The following PWWP2A variants were observed in gnomAD, a reference collection of about 807,000 sequenced individuals.
PWWP2A encodes PWWP domain-containing protein 2A.
Under a neutral mutation model 48.5 loss-of-function variants are expected in PWWP2A, and 18 were observed. The ratio of observed to expected loss-of-function variants is 0.37; its 90% CI spans 0.26 to 0.55. The LOEUF is 0.55. Ranked by LOEUF, PWWP2A falls within the 20% of genes least tolerant of loss-of-function variation. The pLI, the probability that PWWP2A is intolerant of heterozygous loss-of-function variation, is 0.81. For missense variants in PWWP2A, 867 were observed against 976.4 expected (o/e 0.89, Z 1.49); for synonymous variants, 396 against 387.7 (o/e 1.02, Z -0.25).
chr5:160,081,045 ATTCTGCCCTCCAAGC>A (rs1170552194), intron 2 of PWWP2A, among the ~76,000 whole-genome samples: 1 of 152,110 alleles, frequency 6.6e-6, no homozygotes, highest in Non-Finnish European at 1.5e-5. Flanking sequence ...GCACACCAAG[ATTCTGCCCTCCAAGC>A]AAACTAACAA....
rs1755085179 is a variant in PWWP2A at position 160,091,749 on chromosome 5, G to C, written c.*633C>G. On this transcript the variant is annotated 3_prime_UTR_variant, in exon 2 of 2. Coordinates refer to ENST00000307063, the MANE Select transcript of PWWP2A (RefSeq NM_001130864.2). ...TGACAGTTTTAATCCCAAACACTGG[G>C]CTATTTCCCCAGTCTGTAACTGAAT... 1.0e-6 allele frequency: 1 copy of C among 984,932 alleles called. No homozygotes were observed. Among genetic ancestry groups the C allele is most frequent in the Non-Finnish European group, 1.2e-6 (1 of 829,752 alleles). The allele number at this position is 984,932 out of a possible 1,614,324, so 61.0% of individuals were successfully genotyped here.
chr5:160,109,334 G>A (rs1254570304), intron 1 of PWWP2A, among the ~76,000 whole-genome samples: 2 of 148,154 alleles, frequency 1.3e-5, no homozygotes, highest in Admixed American at 1.4e-4. Context: ...CTTATTTCCT[G>A]TCACATCCCC....
chr5:160,098,696 C>A (rs896437855), intron 1 of PWWP2A, among the ~76,000 whole-genome samples: 1 of 152,126 alleles, frequency 6.6e-6, no homozygotes, highest in African/African-American at 2.4e-5. Flanking sequence ...GAACCACTAA[C>A]CTATGAAACT....
chr5:160,066,329 C>G (rs1753609723), intron 4 of PWWP2A, among the ~76,000 whole-genome samples: 1 of 59,150 alleles, frequency 1.7e-5, no homozygotes, highest in South Asian at 5.4e-4. Flanking sequence ...GGGGGTCTCG[C>G]TCTGTCACCC....
Position 160,092,029 on chromosome 5 carries a change from C to G in PWWP2A, c.*353G>C. On this transcript the variant is annotated 3_prime_UTR_variant, in exon 2 of 2. Coordinates refer to ENST00000307063, the MANE Select transcript of PWWP2A (RefSeq NM_001130864.2). ...ACATACACGGATATATATATATACA[C>G]ACACACACACGTATATATATGTATA... The G allele has an allele frequency of 3.3e-6, 1 of 301,742 alleles. No homozygotes were observed. The highest frequency in any genetic ancestry group is 4.5e-6 in the Non-Finnish European group (1 of 223,114). The allele number at this position is 301,742 out of a possible 1,614,324, so 18.7% of individuals were successfully genotyped here. A position where few individuals can be genotyped will look rare whatever the true frequency, so the allele number is the denominator to read the frequency against.
intron 2 of PWWP2A, among the ~76,000 whole-genome samples, chr5:160,067,109 GAGA>G (rs1163147251): frequency 2.0e-5 from 3 of 152,118 alleles, no homozygotes; most frequent in Non-Finnish European, 4.4e-5. Flanking sequence ...ACATTTTAGT[GAGA>G]AGAATGACAT....
At position 160,092,096 on chromosome 5, in the gene PWWP2A, A is replaced by G. The variant is rs575914419; in HGVS notation, c.*286T>C. The G allele has an allele frequency of 9.0e-7, 1 of 1,111,042 alleles. No homozygotes were observed. The highest frequency in any genetic ancestry group is 5.4e-5 in the East Asian group (1 of 18,362). The allele number at this position is 1,111,042 out of a possible 1,614,324, so 68.8% of individuals were successfully genotyped here. A position where few individuals can be genotyped will look rare whatever the true frequency, so the allele number is the denominator to read the frequency against. ...CAAATGGCAATTAACAGTCCCTACAAAAATTCAATTTCAGTTGAGGCTATG... is the reference window on the plus strand; with the variant it reads ...CAAATGGCAATTAACAGTCCCTACAGAAATTCAATTTCAGTTGAGGCTATG... On this transcript the variant is annotated 3_prime_UTR_variant, in exon 2 of 2. Transcript: ENST00000307063.
chr5:160,114,026 G>A (rs1342884640), intron 1 of PWWP2A, among the ~76,000 whole-genome samples: 1 of 152,186 alleles, frequency 6.6e-6, no homozygotes, highest in East Asian at 1.9e-4. Context: ...ACTAAAGCAT[G>A]AGGTACAATG....
In PWWP2A at chr5:160,099,296, T is replaced by C. The variant is rs555069322; in HGVS notation, c.585-5231A>G. Among the ~76,000 whole-genome samples the C allele has an allele frequency of 5.3e-5, 8 of 152,252 alleles. No individual in the cohort carries two copies. The East Asian group carries it at 1.2e-3, about 22-fold the overall frequency. On this transcript the variant is annotated intron_variant, in intron 1 of 1. Transcript: ENST00000307063. Reference sequence around the variant, plus strand: ...TGAGTAATAAGATACCCTACCCAATTTGTGCAGCATAAAGGCATGTGTTAA... The same window carrying C: ...TGAGTAATAAGATACCCTACCCAATCTGTGCAGCATAAAGGCATGTGTTAA...
chr5:160,068,271 G>A (rs1353060375), intron 2 of PWWP2A, among the ~76,000 whole-genome samples: 1 of 152,150 alleles, frequency 6.6e-6, no homozygotes, highest in African/African-American at 2.4e-5. Flanking sequence ...CTGTGACGTT[G>A]TACATATTCT....
the PWWP2A span, among the ~76,000 whole-genome samples, chr5:160,056,753 T>C: frequency 4.6e-5 from 7 of 152,106 alleles, no homozygotes; most frequent in Non-Finnish European, 1.0e-4. Flanking sequence ...TATCATCTTG[T>C]ATGAGTGCCA....
At position 160,109,511 on chromosome 5, in the gene PWWP2A, C is replaced by T. The variant is rs182169782; in HGVS notation, c.584+9294G>A. ...CAGAAGCCTGGGCTGAAGGCTTTTGCTCTTTGCAAATAGTCTTGAGTGGTT... is the reference window on the plus strand; with the variant it reads ...CAGAAGCCTGGGCTGAAGGCTTTTGTTCTTTGCAAATAGTCTTGAGTGGTT... On this transcript the variant is annotated intron_variant, in intron 1 of 1. Transcript: ENST00000307063. Among the ~76,000 whole-genome samples, 347 of 151,968 alleles carry T rather than the reference C, an allele frequency of 2.3e-3. 1 individual carries two copies. Among genetic ancestry groups the T allele is most frequent in the African/African-American group, 7.8e-3 (325 of 41,426 alleles).
chr5:160,080,031 A>G (rs1317962595), intron 3 of PWWP2A, among the ~76,000 whole-genome samples: 1 of 152,242 alleles, frequency 6.6e-6, no homozygotes, highest in Non-Finnish European at 1.5e-5. Flanking sequence ...TTCCTACCCT[A>G]TAAGGGCCCA....
rs1758061055 is a variant in PWWP2A at position 160,115,709 on chromosome 5, A to C, written c.584+3096T>G. 2.0e-5 allele frequency among the ~76,000 whole-genome samples: 3 copies of C among 151,564 alleles called. No individual in the cohort carries two copies. The South Asian group carries it at 6.3e-4, about 32-fold the overall frequency. The stretch of plus-strand genomic sequence containing the variant: ...CTCCATCTCAAAAAAAGGAAAAAAA[A>C]AAAAATTAGCCAGGCGTGGTGGTAT... On this transcript the variant is annotated intron_variant, in intron 1 of 1. Coordinates refer to ENST00000307063, the MANE Select transcript of PWWP2A (RefSeq NM_001130864.2).
At position 160,093,742 on chromosome 5, in the gene PWWP2A, C is replaced by T. The variant is rs561868583; in HGVS notation, c.908G>A (p.Arg303Lys). ...ATTCATTATTGAAGTGGGTTCTTCCCTGTACATTTTTCGTTTGGGTCGCTT... is the reference window on the plus strand; with the variant it reads ...ATTCATTATTGAAGTGGGTTCTTCCTTGTACATTTTTCGTTTGGGTCGCTT... ...KIKRPKRKMY[R>K]EEPTSIMNAI... The change falls in exon 2 of 2, where the codon AGG becomes AAG. Residue 303 changes from arginine to lysine, a missense_variant. Physicochemically the swap from Arg to Lys is conservative, Grantham distance 26 (BLOSUM62 2). This residue lies in a region of PWWP2A where 382 missense variants were observed against 407.2 expected (regional missense o/e 0.94). Coordinates refer to ENST00000307063, the MANE Select transcript of PWWP2A (RefSeq NM_001130864.2). The surrounding 1 kb of genome is among the most constrained non-coding windows in gnomAD (Gnocchi z 5.8). 6 of 1,613,978 alleles carry T rather than the reference C, an allele frequency of 3.7e-6. No individual in the cohort carries two copies. In the African/African-American group the frequency reaches 8.0e-5, roughly 22 times the overall value.
chr5:160,107,658 T>C (rs1052762452), intron 1 of PWWP2A, among the ~76,000 whole-genome samples: 1 of 152,238 alleles, frequency 6.6e-6, no homozygotes, highest in Non-Finnish European at 1.5e-5. Flanking sequence ...ACAAGAGCTT[T>C]ACTTTAAAAT....
At chr5:160,068,780 T>C (rs1230785310) in intron 2 of PWWP2A, among the ~76,000 whole-genome samples, 5 of 152,184 alleles carry the variant, frequency 3.3e-5, no homozygotes, top group African/African-American at 1.2e-4. Flanking sequence ...AGTGAACTGG[T>C]ATTAAAGGAT....
rs528936007 is a variant in PWWP2A at position 160,103,987 on chromosome 5, G to A, written c.585-9922C>T. Among the ~76,000 whole-genome samples the A allele has an allele frequency of 1.2e-3, 179 of 151,998 alleles. 2 individuals carry two copies. The highest frequency in any genetic ancestry group is 4.2e-3 in the African/African-American group (174 of 41,464). ...AAATACAAAAAAATTAGAAGGGCCT[G>A]GCGGTGTGCATCCATAATCCCATCT... On this transcript the variant is annotated intron_variant, in intron 1 of 1. Transcript: ENST00000307063.
intron 1 of PWWP2A, among the ~76,000 whole-genome samples, chr5:160,114,505 T>C (rs1482411981): frequency 2.6e-5 from 4 of 150,966 alleles, no homozygotes; most frequent in African/African-American, 9.7e-5. Context: ...CTCATGCCTG[T>C]AATCCCAGCA....
Sources: gnomAD v4.1 joint callset for allele counts (sites outside exome capture counted in the v4.1 genomes callset) on GRCh38, gnomAD v4.1.1 for gene constraint, gnomAD v4.1.1 regional missense constraint, Gnocchi (gnomAD v3.1) non-coding constraint, MANE v1.5 for transcripts, NCBI Gene and HGNC (gene_info 2026-07-23, HGNC 2026-07-21) for gene names.